The following DMD variants were observed in gnomAD, a reference collection of about 807,000 sequenced individuals.
DMD encodes the protein mutant dystrophin.
Under a neutral mutation model 330.1 loss-of-function variants are expected in DMD, and 63 were observed. The ratio of observed to expected loss-of-function variants is 0.19; its 90% CI spans 0.16 to 0.24. The LOEUF (loss-of-function observed/expected upper bound fraction) is 0.24. DMD is among the 10% of genes least tolerant of loss of function. The pLI is 1.00. For synonymous variants in DMD, 1,223 were observed against 959.8 expected (o/e 1.27, Z -5.07); for missense variants, 3,344 against 2,684.1 (o/e 1.25, Z -5.43).
chrX:31,581,727 ATTAT>A (rs1244101123), intron 55 of DMD, among the ~76,000 whole-genome samples: 1 of 112,095 alleles, frequency 8.9e-6, no homozygotes, highest in African/African-American at 3.2e-5. Context: ...AAGATAACTT[ATTAT>A]TTAAGGGTAA....
intron 44 of DMD, among the ~76,000 whole-genome samples, chrX:32,203,982 TTTAA>T (rs1470966181): frequency 9.0e-6 from 1 of 111,571 alleles, no homozygotes; most frequent in East Asian, 2.8e-4. Context: ...ATAAAATAAG[TTTAA>T]TTAGAGCTCT....
At chrX:32,312,894 A>C (rs1242211020) in intron 41 of DMD, among the ~76,000 whole-genome samples, 8 of 96,059 alleles carry the variant, frequency 8.3e-5, no homozygotes, top group African/African-American at 2.9e-4. Flanking sequence ...GAATCCCTGA[A>C]TAGACCAATA....
chrX:32,354,909 C>T (rs946178363), intron 37 of DMD, among the ~76,000 whole-genome samples: 2 of 111,186 alleles, frequency 1.8e-5, no homozygotes, highest in African/African-American at 6.5e-5. Context: ...GAATATTGCC[C>T]TATTTCATGA....
rs977836821 is a variant in DMD at position 32,313,558 on chromosome X, C to A, written c.5923-3282G>T. Among the ~76,000 whole-genome samples the A allele has an allele frequency of 2.7e-5, 3 of 111,257 alleles. No individual in the cohort carries two copies. In the East Asian group the frequency reaches 8.5e-4, roughly 32 times the overall value. On this transcript the variant is annotated intron_variant, in intron 41 of 78. Coordinates refer to ENST00000357033, the MANE Select transcript of DMD (RefSeq NM_004006.3). ...TATTGGAAGTCCTGGCCAGGGCAAT[C>A]AGGCAAGAGAAAGAAAGAAAGATAT... is the stretch of plus-strand genomic sequence containing the variant.
At chrX:31,198,921 A>G (rs895835409) in intron 67 of DMD, among the ~76,000 whole-genome samples, 6 of 111,931 alleles carry the variant, frequency 5.4e-5, no homozygotes, top group African/African-American at 2.0e-4. Context: ...AGGGGTGTTT[A>G]TTTATCTATC....
At chrX:32,405,197 C>G (rs1347912723) in intron 30 of DMD, among the ~76,000 whole-genome samples, 1 of 111,597 alleles carries the variant, frequency 9.0e-6, no homozygotes, top group Non-Finnish European at 1.9e-5. Context: ...TTCTGAAGAC[C>G]AAATCCACCT....
intron 29 of DMD, chrX:32,412,262 C>CTTTACTCTAGTT: frequency 1.0e-6 from 1 of 981,312 alleles, no homozygotes; most frequent in African/African-American, 2.0e-5. Context: ...TTATATAGTT[C>CTTTACTCTAGTT]AAGAGATTTG....
At chrX:31,854,219 G>A (rs1409269902) in intron 48 of DMD, among the ~76,000 whole-genome samples, 1 of 112,011 alleles carries the variant, frequency 8.9e-6, no homozygotes, top group East Asian at 2.8e-4. Flanking sequence ...TATTTCAACA[G>A]GTTAGCTGCT....
intron 1 of DMD, among the ~76,000 whole-genome samples, chrX:33,163,552 G>GTATATATATATATATATATATATA (rs781153726): frequency 3.3e-4 from 30 of 90,979 alleles, no homozygotes; most frequent in African/African-American, 1.2e-3. Context: ...ATATATGTGT[G>GTATATATATATATATATATATATA]TATATATATA....
At chrX:31,845,300 G>A (rs1233171272) in intron 48 of DMD, among the ~76,000 whole-genome samples, 2 of 107,235 alleles carry the variant, frequency 1.9e-5, no homozygotes, top group South Asian at 4.1e-4. Context: ...CTTGTATAAG[G>A]ATTTGAAGTA....
chrX:31,341,540 A>G (rs2057727073), intron 61 of DMD, among the ~76,000 whole-genome samples: 1 of 111,596 alleles, frequency 9.0e-6, no homozygotes. Context: ...TGAGAGAAAA[A>G]TTTAGGTTAT....
At chrX:32,530,379 G>A (rs2047367852) in intron 17 of DMD, among the ~76,000 whole-genome samples, 1 of 112,019 alleles carries the variant, frequency 8.9e-6, no homozygotes, top group South Asian at 3.6e-4. Context: ...TTGCTTCTCT[G>A]CACAAAGTAA....
chrX:33,103,672 A>C (rs1405756192), intron 1 of DMD, among the ~76,000 whole-genome samples: 1 of 111,408 alleles, frequency 9.0e-6, no homozygotes, highest in East Asian at 2.8e-4. Flanking sequence ...AAAAAGCTTT[A>C]TTGCTCACAC....
chrX:32,389,357 G>A, intron 32 of DMD, 144 bp downstream of exon 32: 2 of 622,386 alleles, frequency 3.2e-6, no homozygotes, highest in Non-Finnish European at 5.1e-6. Flanking sequence ...CACAATACAT[G>A]TGCCAATTTT....
intron 30 of DMD, among the ~76,000 whole-genome samples, chrX:32,400,293 T>A (rs2098077178): frequency 8.9e-6 from 1 of 111,764 alleles, no homozygotes; most frequent in African/African-American, 3.3e-5. Flanking sequence ...CAGCCTTGCA[T>A]CCCAAGGATG....
intron 1 of DMD, among the ~76,000 whole-genome samples, chrX:33,080,148 A>G (rs1034099631): frequency 1.8e-5 from 2 of 112,216 alleles, no homozygotes; most frequent in African/African-American, 6.5e-5. Flanking sequence ...CAGCAGATCA[A>G]TTTTCTAAGA....
chrX:32,090,992 C>T (rs1437104623), intron 44 of DMD, among the ~76,000 whole-genome samples: 1 of 112,220 alleles, frequency 8.9e-6, no homozygotes, highest in African/African-American at 3.2e-5. Flanking sequence ...AATAAATAAG[C>T]CAGCTCTGGC....
chrX:31,671,393 G>A (rs1230275565), intron 53 of DMD, among the ~76,000 whole-genome samples: 2 of 112,323 alleles, frequency 1.8e-5, no homozygotes, highest in Admixed American at 9.4e-5. Flanking sequence ...TTACATTCCT[G>A]TGATAAATCT....
chrX:32,359,540 C>T, intron 37 of DMD, among the ~76,000 whole-genome samples: 1 of 111,211 alleles, frequency 9.0e-6, no homozygotes, highest in Non-Finnish European at 1.9e-5. Context: ...CCTGTATAAC[C>T]CCTACTATAA....
Sources: allele counts gnomAD v4.1 joint callset (sites outside exome capture counted in the v4.1 genomes callset), GRCh38; gene constraint gnomAD v4.1.1; transcripts MANE v1.5; gene names NCBI Gene and HGNC (gene_info 2026-07-23, HGNC 2026-07-21).